EPB41L4B: variants seen among roughly 807,000 people sequenced by gnomAD.
The protein encoded by EPB41L4B is band 4.1-like protein 4B.
EPB41L4B carries 30 observed loss-of-function variants against 112.5 expected under a neutral mutation model. That is an observed-to-expected ratio of 0.27 (90% CI 0.20 to 0.36). EPB41L4B has a LOEUF of 0.36. Among genes scored for constraint, EPB41L4B ranks in the 10% least tolerant of loss-of-function variants. EPB41L4B has a pLI of 1.00. For synonymous variants in EPB41L4B, 408 were observed against 439.7 expected, an observed-to-expected ratio of 0.93 and a Z score of 0.90; for missense variants, 1,024 against 1,133.3, an observed-to-expected ratio of 0.90 and a Z score of 1.38.
chr9:109,197,276 A>G (rs2118720831), intron 20 of EPB41L4B, among the ~76,000 whole-genome samples: 1 of 152,192 alleles, frequency 6.6e-6, no homozygotes, highest in South Asian at 2.1e-4. Flanking sequence ...CACAAAAATT[A>G]GCTGGGCGTG....
chr9:109,267,450 G>C (rs1448729743), intron 4 of EPB41L4B, 23 bp downstream of exon 4: 1 of 1,556,786 alleles, frequency 6.4e-7, no homozygotes, highest in Admixed American at 1.7e-5. Flanking sequence ...CTGGGCGGGA[G>C]CTTGTTCTGC....
chr9:109,216,409 G>A (rs1833367358), intron 16 of EPB41L4B, among the ~76,000 whole-genome samples: 1 of 152,222 alleles, frequency 6.6e-6, no homozygotes, highest in Non-Finnish European at 1.5e-5. Context: ...GGGAGGCCGA[G>A]ATGTGTGGAT....
At chr9:109,214,514 C>T (rs1833295126) in intron 16 of EPB41L4B, among the ~76,000 whole-genome samples, 1 of 152,106 alleles carries the variant, frequency 6.6e-6, no homozygotes, top group South Asian at 2.1e-4. Context: ...TATTTAATTG[C>T]TAAAGGAGCA....
At chr9:109,209,291 C>G (rs539779108) in intron 17 of EPB41L4B, among the ~76,000 whole-genome samples, 1 of 152,066 alleles carries the variant, frequency 6.6e-6, no homozygotes, top group African/African-American at 2.4e-5. Context: ...CAGAACTTTC[C>G]AATTTTATGT....
At chr9:109,203,777 T>A in intron 18 of EPB41L4B, 47 bp from the exon 19 acceptor site, 2 of 1,495,012 alleles carry the variant, frequency 1.3e-6, no homozygotes, top group East Asian at 2.3e-5. Context: ...TATGTTGGCA[T>A]GCAAAAAATG....
At chr9:109,285,773 G>C (rs1836251234) in intron 1 of EPB41L4B, among the ~76,000 whole-genome samples, 1 of 152,054 alleles carries the variant, frequency 6.6e-6, no homozygotes, top group Non-Finnish European at 1.5e-5. Flanking sequence ...CCGCCAGCCT[G>C]GACACCCCAC....
intron 6 of EPB41L4B, among the ~76,000 whole-genome samples, chr9:109,258,848 G>A (rs940720050): frequency 7.9e-5 from 12 of 152,142 alleles, no homozygotes; most frequent in African/African-American, 2.7e-4. Context: ...GGGAAGTCAG[G>A]CAGAACCTGG....
At chr9:109,213,676 T>C (rs1455915298) in intron 17 of EPB41L4B, 24 bp downstream of exon 17, 1 of 1,596,318 alleles carries the variant, frequency 6.3e-7, no homozygotes, top group Non-Finnish European at 8.6e-7. Flanking sequence ...TCCATGGTCA[T>C]GGCAGAGCCC....
chr9:109,264,406 A>C (rs1364678446), intron 5 of EPB41L4B, among the ~76,000 whole-genome samples: 2 of 152,160 alleles, frequency 1.3e-5, no homozygotes, highest in South Asian at 2.1e-4. Flanking sequence ...GCCTGTTGAA[A>C]CCTCTTATCT....
chr9:109,304,580 G>A (rs965096885), intron 1 of EPB41L4B, among the ~76,000 whole-genome samples: 9 of 152,026 alleles, frequency 5.9e-5, no homozygotes, highest in African/African-American at 2.2e-4. Context: ...ACAGTGCAGG[G>A]GCCAAGAGTA....
intron 1 of EPB41L4B, 112 bp from the exon 2 acceptor site, chr9:109,280,033 C>A: frequency 1.4e-6 from 1 of 690,284 alleles, no homozygotes; most frequent in Non-Finnish European, 2.4e-6. Context: ...TCAGCACACA[C>A]AAATTTTTAA....
At chr9:109,289,118 C>T (rs1026462169) in intron 1 of EPB41L4B, among the ~76,000 whole-genome samples, 2 of 152,144 alleles carry the variant, frequency 1.3e-5, no homozygotes, top group African/African-American at 4.8e-5. Context: ...AAACATCCAC[C>T]AGAGAATAAA....
At chr9:109,242,465 TAA>T (rs1834386470) in intron 15 of EPB41L4B, among the ~76,000 whole-genome samples, 1 of 152,248 alleles carries the variant, frequency 6.6e-6, no homozygotes, top group Non-Finnish European at 1.5e-5. Context: ...AAAACAATGT[TAA>T]TTAAAATAGC....
intron 22 of EPB41L4B, 108 bp downstream of exon 22, chr9:109,192,170 G>C: frequency 1.2e-6 from 1 of 857,360 alleles, no homozygotes; most frequent in Non-Finnish European, 1.9e-6. Flanking sequence ...TCCAGGACAA[G>C]AGGAAGAGGC....
At chr9:109,174,686 T>C in intron 25 of EPB41L4B, 63 bp from the exon 26 acceptor site, 1 of 1,392,476 alleles carries the variant, frequency 7.2e-7, no homozygotes, top group Non-Finnish European at 1.0e-6. Flanking sequence ...AGCAGACAGC[T>C]TAAGTATCAT....
chr9:109,277,851 A>G (rs1835894556), intron 2 of EPB41L4B, among the ~76,000 whole-genome samples: 1 of 152,168 alleles, frequency 6.6e-6, no homozygotes, highest in Admixed American at 6.5e-5. Flanking sequence ...AATGGAAGGA[A>G]TCAAGGGAAG....
intron 24 of EPB41L4B, among the ~76,000 whole-genome samples, chr9:109,178,979 AC>A (rs1344888446): frequency 7.2e-6 from 1 of 139,210 alleles, no homozygotes; most frequent in African/African-American, 2.7e-5. Context: ...TTAAATCTCA[AC>A]CCTAAGTATC....
intron 15 of EPB41L4B, among the ~76,000 whole-genome samples, chr9:109,228,655 G>A (rs1177663125): frequency 1.3e-5 from 2 of 152,160 alleles, no homozygotes; most frequent in African/African-American, 4.8e-5. Context: ...CACAACAAAA[G>A]TCAGGTAGCT....
intron 1 of EPB41L4B, among the ~76,000 whole-genome samples, chr9:109,312,153 A>G (rs1216689442): frequency 6.6e-6 from 1 of 151,882 alleles, no homozygotes; most frequent in African/African-American, 2.4e-5. Flanking sequence ...GGAGAAAAGA[A>G]AAAAATGTTT....
Sources: gnomAD v4.1 joint callset for allele counts (sites outside exome capture counted in the v4.1 genomes callset) on GRCh38, gnomAD v4.1.1 for gene constraint, MANE v1.5 for transcripts, NCBI Gene and HGNC (gene_info 2026-07-23, HGNC 2026-07-21) for gene names.